Variants in MAGI1 observed in about 807,000 individuals in gnomAD.
The protein encoded by MAGI1 is membrane associated guanylate kinase, WW and PDZ domain containing 1, also known as membrane-associated guanylate kinase, WW and PDZ domain-containing protein 1.
In MAGI1, 58 loss-of-function variants were observed where a neutral mutation model predicts 139.9. That is an observed-to-expected ratio of 0.41 (90% CI 0.34 to 0.52). The LOEUF is 0.52. MAGI1 is among the 20% of genes least tolerant of loss of function. MAGI1 has a pLI of 0.12. For synonymous variants in MAGI1, 812 were observed against 737.9 expected (o/e 1.10, Z -1.63); for missense variants, 1,874 against 1,901.6 (o/e 0.99, Z 0.27).
intron 2 of MAGI1, among the ~76,000 whole-genome samples, chr3:65,501,211 T>C (rs894564420): frequency 1.3e-5 from 2 of 152,076 alleles, no homozygotes; most frequent in African/African-American, 4.8e-5. Context: ...CCAGGTGCGG[T>C]GGCACATATC....
At chr3:65,408,119 T>A (rs181341608) in intron 12 of MAGI1, among the ~76,000 whole-genome samples, 1 of 152,204 alleles carries the variant, frequency 6.6e-6, no homozygotes, top group Non-Finnish European at 1.5e-5. Context: ...ACCCACTCTA[T>A]TGGGGCCTAT....
At chr3:65,724,242 T>C (rs141589453) in intron 1 of MAGI1, among the ~76,000 whole-genome samples, 5 of 152,362 alleles carry the variant, frequency 3.3e-5, no homozygotes, top group Admixed American at 3.3e-4. Context: ...CAGAAATGGT[T>C]ACCACAGCAA....
At chr3:65,984,511 A>AGTGTGTGTGTGT (rs1302552327) in intron 1 of MAGI1, among the ~76,000 whole-genome samples, 2 of 94,686 alleles carry the variant, frequency 2.1e-5, no homozygotes, top group Admixed American at 1.3e-4. Flanking sequence ...TTCAAAATAA[A>AGTGTGTGTGTGT]ATGTGTGTGT....
At chr3:65,648,370 T>C (rs1240800594) in intron 1 of MAGI1, among the ~76,000 whole-genome samples, 2 of 152,086 alleles carry the variant, frequency 1.3e-5, no homozygotes, top group Admixed American at 1.3e-4. Context: ...AGCTGTTCAC[T>C]AACTCCTGGA....
At chr3:65,509,364 G>T (rs543245102) in intron 2 of MAGI1, among the ~76,000 whole-genome samples, 4 of 152,166 alleles carry the variant, frequency 2.6e-5, no homozygotes, top group Admixed American at 1.3e-4. Flanking sequence ...CGCAGAAGAC[G>T]GGTGATTTCT....
rs543079681 is a variant in MAGI1, at chr3:65,653,349, G to C, written c.314-31261C>G. Among the ~76,000 whole-genome samples, 13 of 152,204 alleles carry C rather than the reference G, an allele frequency of 8.5e-5. No homozygotes were observed. The South Asian group carries it at 2.7e-3, about 32-fold the overall frequency. On this transcript the variant is annotated intron_variant, in intron 1 of 22. Transcript: ENST00000402939. ...CCTTCCACTTTGGCCCCTTCCACCA[G>C]ACATAAAGCAATCTTTCTAAAAGAC...
intron 1 of MAGI1, among the ~76,000 whole-genome samples, chr3:65,910,366 G>A (rs1393141956): frequency 6.6e-6 from 1 of 152,124 alleles, no homozygotes; most frequent in East Asian, 1.9e-4. Flanking sequence ...TAAAAATGAG[G>A]ATAAATGCAA....
At chr3:65,998,324 GA>G (rs2066566364) in intron 1 of MAGI1, among the ~76,000 whole-genome samples, 2 of 152,112 alleles carry the variant, frequency 1.3e-5, no homozygotes, top group African/African-American at 4.8e-5. Context: ...GCAGACCCCT[GA>G]GTGTGAGAAT....
chr3:65,951,764 A>G (rs996792968), intron 1 of MAGI1, among the ~76,000 whole-genome samples: 2 of 152,198 alleles, frequency 1.3e-5, no homozygotes, highest in Non-Finnish European at 2.9e-5. Flanking sequence ...ATTTTTACGC[A>G]TGGAGTTCTT....
At chr3:65,941,346 CAA>C (rs571392999) in intron 1 of MAGI1, among the ~76,000 whole-genome samples, 1 of 130,660 alleles carries the variant, frequency 7.7e-6, no homozygotes. Flanking sequence ...GACTCCGTCT[CAA>C]AAAAAAAAAA....
chr3:65,812,406 T>A (rs2041299790), intron 1 of MAGI1, among the ~76,000 whole-genome samples: 1 of 151,250 alleles, frequency 6.6e-6, no homozygotes, highest in South Asian at 2.1e-4. Flanking sequence ...GTTGAAAAAA[T>A]TACAGGATTT....
intron 1 of MAGI1, among the ~76,000 whole-genome samples, chr3:65,948,045 G>A (rs185328825): frequency 1.5e-3 from 220 of 149,298 alleles, no homozygotes; most frequent in Middle Eastern, 7.1e-3. Context: ...AGGTTCAAGC[G>A]ATTGTCCTGC....
chr3:65,558,256 T>C (rs896385480), intron 2 of MAGI1, among the ~76,000 whole-genome samples: 10 of 152,216 alleles, frequency 6.6e-5, no homozygotes, highest in Non-Finnish European at 1.3e-4. Context: ...TTGATTTTTA[T>C]TTTTCATGGA....
chr3:65,367,140 G>T (rs2106768794), intron 18 of MAGI1, among the ~76,000 whole-genome samples: 1 of 152,236 alleles, frequency 6.6e-6, no homozygotes, highest in South Asian at 2.1e-4. Flanking sequence ...GGTTGTTCAG[G>T]CCATGGGGAA....
intron 7 of MAGI1, among the ~76,000 whole-genome samples, chr3:65,443,681 G>GTT (rs534908298): frequency 6.6e-6 from 1 of 151,570 alleles, no homozygotes; most frequent in Non-Finnish European, 1.5e-5. Flanking sequence ...CTAGGTTGTG[G>GTT]GTTTTTTTTG....
chr3:65,919,788 A>G (rs1158326248), intron 1 of MAGI1, among the ~76,000 whole-genome samples: 2 of 151,968 alleles, frequency 1.3e-5, no homozygotes, highest in African/African-American at 2.4e-5. Flanking sequence ...CGGCTGGAAT[A>G]ATTTCTCTCA....
At chr3:65,517,788 C>G (rs561718025) in intron 2 of MAGI1, among the ~76,000 whole-genome samples, 1 of 152,204 alleles carries the variant, frequency 6.6e-6, no homozygotes, top group South Asian at 2.1e-4. Context: ...TTTGATCCTC[C>G]CACCCAACCA....
chr3:65,802,688 G>A (rs2108139401), intron 1 of MAGI1, among the ~76,000 whole-genome samples: 1 of 152,196 alleles, frequency 6.6e-6, no homozygotes, highest in South Asian at 2.1e-4. Context: ...ACAATACCTG[G>A]CATAAAACAA....
intron 1 of MAGI1, among the ~76,000 whole-genome samples, chr3:65,670,767 C>T (rs532951969): frequency 6.6e-6 from 1 of 152,184 alleles, no homozygotes; most frequent in African/African-American, 2.4e-5. Flanking sequence ...AGCCCTTGCC[C>T]TGAAACTGGG....
Sources: allele counts gnomAD v4.1 joint callset (sites outside exome capture counted in the v4.1 genomes callset), GRCh38; gene constraint gnomAD v4.1.1; transcripts MANE v1.5; gene names NCBI Gene and HGNC (gene_info 2026-07-23, HGNC 2026-07-21).